EPG5: variants seen among roughly 807,000 people sequenced by gnomAD.
The protein encoded by EPG5 is ectopic P granules protein 5 homolog.
EPG5 carries 159 observed loss-of-function variants against 302.7 expected under a neutral mutation model. That is an observed-to-expected ratio of 0.53 (90% confidence interval 0.46 to 0.60). The LOEUF (loss-of-function observed/expected upper bound fraction) is 0.60, where lower values mean the gene tolerates loss of function less well. Among genes scored for constraint, EPG5 ranks in the 20% least tolerant of loss-of-function variants. The pLI, the probability that EPG5 is intolerant of heterozygous loss-of-function variation, is 0.00. For synonymous variants in EPG5, 1,158 were observed against 1,136.8 expected (o/e 1.02, Z -0.37); for missense variants, 2,896 against 3,092.4 (o/e 0.94, Z 1.51).
chr18:45,829,015 G>A, the EPG5 span: 40 of 868,744 alleles, frequency 4.6e-5, no homozygotes, highest in Non-Finnish European at 4.8e-5. Context: ...GTCCTATCTG[G>A]GGCGGGAAGG....
chr18:45,801,089 T>G, the EPG5 span, among the ~76,000 whole-genome samples: 16 of 152,216 alleles, frequency 1.1e-4, no homozygotes, highest in African/African-American at 3.6e-4. Flanking sequence ...CAGGCTGGAG[T>G]GCAGTGGTAC....
rs189146791 is a variant in EPG5, at chr18:45,942,966, G to A, written c.1943+195C>T. Among the ~76,000 whole-genome samples the A allele has an allele frequency of 1.9e-4, 29 of 152,246 alleles. No homozygotes were observed. The East Asian group carries it at 5.4e-3, about 28-fold the overall frequency. ...CATCTAGCAAGCCAGTTAAATTTGA[G>A]ATAATTAACGAAATACTCTAACTGG... On this transcript the variant is annotated intron_variant, in intron 9 of 43. Coordinates refer to ENST00000282041, the MANE Select transcript of EPG5 (RefSeq NM_020964.3).
intron 1 of EPG5, 42 bp downstream of exon 1, chr18:45,967,135 A>C: frequency 6.5e-7 from 1 of 1,549,356 alleles, no homozygotes. Flanking sequence ...AAGGAGACAC[A>C]GCACACTGCC....
At chr18:45,832,612 G>C in the EPG5 span, among the ~76,000 whole-genome samples, 2 of 152,222 alleles carry the variant, frequency 1.3e-5, no homozygotes, top group Admixed American at 1.3e-4. Context: ...CATTGAGGGA[G>C]GGTATTTTGG....
At chr18:45,916,695 A>G (rs2050041167) in intron 17 of EPG5, 113 bp from the exon 18 acceptor site, 3 of 1,146,624 alleles carry the variant, frequency 2.6e-6, no homozygotes, top group Non-Finnish European at 2.4e-6. Flanking sequence ...TTTTTCGACC[A>G]AAGCACTATT....
At chr18:45,959,617 G>C (rs71358415) in intron 1 of EPG5, among the ~76,000 whole-genome samples, 1 of 151,390 alleles carries the variant, frequency 6.6e-6, no homozygotes, top group South Asian at 2.1e-4. Context: ...CTGCACTCCA[G>C]TCTGGGGTGG....
At position 45,899,629 on chromosome 18, in the gene EPG5, G is replaced by A. The variant is rs531236705; in HGVS notation, c.4647-63C>T. 308 of 1,553,126 alleles carry A rather than the reference G, an allele frequency of 2.0e-4. No individual in the cohort carries two copies. In the Middle Eastern group the frequency reaches 3.9e-3, roughly 20 times the overall value. ...GAAAGGTTATATGATAGGTGATAAA[G>A]GCTTCCAGTTACCCACAGCCAGCAT... On this transcript the variant is annotated intron_variant, in intron 26 of 43. Transcript: ENST00000282041.
Position 45,955,074 on chromosome 18 carries a change from T to G in EPG5, c.328A>C (p.Arg110=). 6.2e-7 allele frequency: 1 copy of G among 1,614,116 alleles called. No individual in the cohort carries two copies. Among genetic ancestry groups the G allele is most frequent in the South Asian group, 1.1e-5 (1 of 91,072 alleles). The change falls in exon 2 of 44, where the codon AGA becomes CGA. Residue 110 remains arginine, a synonymous_variant. Transcript: ENST00000282041. ...TEPPKEGGEA[R]PCVGDSAVTP... is the part of the protein sequence containing the mutation. ...ACTGCACTGTCCCCCACACAGGGTC[T>G]GGCCTCTCCCCCTTCCTTTGGGGGC...
rs185636907 is a variant in EPG5, at chr18:45,943,499, A to G, written c.1793-188T>C. Among the ~76,000 whole-genome samples the G allele has an allele frequency of 2.0e-5, 3 of 152,296 alleles. No homozygotes were observed. The East Asian group carries it at 5.8e-4, about 29-fold the overall frequency. On this transcript the variant is annotated intron_variant, in intron 8 of 43. Transcript: ENST00000282041. The stretch of plus-strand genomic sequence containing the variant: ...TGAGACAATGTGCCAAATTAAAAAC[A>G]ATTTATTTAAGTTGGGAATGTGCAA...
At chr18:45,816,068 G>C in the EPG5 span, among the ~76,000 whole-genome samples, 1 of 152,196 alleles carries the variant, frequency 6.6e-6, no homozygotes, top group Non-Finnish European at 1.5e-5. Context: ...AAATGGTGCT[G>C]GGATAACTGG....
At chr18:45,924,285 G>A (rs569772791) in intron 14 of EPG5, among the ~76,000 whole-genome samples, 1 of 152,306 alleles carries the variant, frequency 6.6e-6, no homozygotes, top group Admixed American at 6.5e-5. Context: ...TCTTCAAGAG[G>A]AGAGCCTAGG....
At chr18:45,806,808 G>C in the EPG5 span, among the ~76,000 whole-genome samples, 1 of 152,226 alleles carries the variant, frequency 6.6e-6, no homozygotes, top group African/African-American at 2.4e-5. Flanking sequence ...AGGCCACAGA[G>C]AGAAGGACAT....
the EPG5 span, among the ~76,000 whole-genome samples, chr18:45,814,233 G>T: frequency 6.6e-6 from 1 of 152,168 alleles, no homozygotes; most frequent in Non-Finnish European, 1.5e-5. Flanking sequence ...TTCCAGAGGG[G>T]ACAGGTAACA....
At chr18:45,854,717 C>T (rs1240200693) in intron 43 of EPG5, among the ~76,000 whole-genome samples, 5 of 152,114 alleles carry the variant, frequency 3.3e-5, no homozygotes, top group African/African-American at 1.2e-4. Context: ...TTTAATTAGC[C>T]AGGAGTGGCA....
At position 45,876,106 on chromosome 18, in the gene EPG5, T is replaced by C; in HGVS notation, c.6049+130A>G. On this transcript the variant is annotated intron_variant, in intron 35 of 43. Transcript: ENST00000282041. ...ACACACTTAACACTAAATAATTGTA[T>C]CAGCGACTTTTCTTCAGTCACAAAT... 4.8e-6 allele frequency: 3 copies of C among 628,334 alleles called. No individual in the cohort carries two copies. In the South Asian group the frequency reaches 5.8e-5, roughly 12 times the overall value. The allele number at this position is 628,334 out of a possible 1,614,324, so 38.9% of individuals were successfully genotyped here.
intron 28 of EPG5, 61 bp downstream of exon 28, chr18:45,889,737 G>T: frequency 6.8e-7 from 1 of 1,476,358 alleles, no homozygotes. Context: ...ATAGTAGCAT[G>T]TATGATTACT....
intron 31 of EPG5, among the ~76,000 whole-genome samples, chr18:45,881,525 C>CA (rs2049098124): frequency 6.6e-6 from 1 of 152,130 alleles, no homozygotes; most frequent in African/African-American, 2.4e-5. Flanking sequence ...TGATGTAACA[C>CA]AAAAATTTGG....
At chr18:45,906,870 G>A (rs1209559316) in intron 24 of EPG5, among the ~76,000 whole-genome samples, 1 of 152,156 alleles carries the variant, frequency 6.6e-6, no homozygotes, top group Non-Finnish European at 1.5e-5. Context: ...TGGCCAGGCT[G>A]GTCTTGAACT....
At chr18:45,963,586 G>A (rs368772912) in intron 1 of EPG5, among the ~76,000 whole-genome samples, 22 of 152,254 alleles carry the variant, frequency 1.4e-4, no homozygotes, top group African/African-American at 5.3e-4. Context: ...AGTGAGCCAA[G>A]ATCACACCAC....
Sources: allele counts gnomAD v4.1 joint callset (sites outside exome capture counted in the v4.1 genomes callset), GRCh38; gene constraint gnomAD v4.1.1; transcripts MANE v1.5; gene names NCBI Gene and HGNC (gene_info 2026-07-23, HGNC 2026-07-21).